The following EFCAB7 variants were observed in gnomAD, a reference collection of about 807,000 sequenced individuals.
EFCAB7 encodes EF-hand calcium-binding domain-containing protein 7.
A neutral mutation model predicts 77.1 loss-of-function variants in EFCAB7; 66 were observed. The observed-to-expected ratio is 0.86, with a 90% confidence interval of 0.70 to 1.05. The LOEUF is 1.05. Ranked by LOEUF, EFCAB7 falls within the 50% of genes least tolerant of loss-of-function variation. The probability of loss-of-function intolerance (pLI) is 0.00; values close to 1 mark genes in which losing one functional copy is unlikely to be tolerated. For synonymous variants in EFCAB7, 225 were observed against 243.3 expected, an observed-to-expected ratio of 0.92 and a Z score of 0.70; for missense variants, 638 against 730.5, an observed-to-expected ratio of 0.87 and a Z score of 1.46.
At position 63,557,233 on chromosome 1, in the gene EFCAB7, G is replaced by A; in HGVS notation, c.1334G>A (p.Trp445Ter). 1.2e-6 allele frequency: 2 copies of A among 1,607,644 alleles called. No homozygotes were observed. Among genetic ancestry groups the A allele is most frequent in the South Asian group, 2.2e-5 (2 of 89,290 alleles). ...GGTGAGAAATGTGATGAAGATGCTT[G>A]GGCTGTCTGCAGAGGTAAGCACTTT... is the stretch of plus-strand genomic sequence containing the variant. ...TSGEKCDEDA[W>*]AVCRENFDTK... Residue 445 changes from tryptophan (W) to a stop codon, truncating the protein, a stop_gained, in exon 10 of 14, where the codon TGG becomes TAG. Coordinates refer to ENST00000371088, the MANE Select transcript of EFCAB7 (RefSeq NM_032437.4). LOFTEE classifies it high-confidence loss of function.
At chr1:63,576,972 C>T (rs1255637252), downstream of EFCAB7, among the ~76,000 whole-genome samples, 1 of 151,912 alleles carries the variant, frequency 6.6e-6, no homozygotes. Flanking sequence ...TATGGTGAAA[C>T]CCCATCTGTA....
chr1:63,561,628 A>G (rs894519014), intron 10 of EFCAB7, 81 bp from the exon 11 acceptor site: 10 of 854,192 alleles, frequency 1.2e-5, no homozygotes, highest in Non-Finnish European at 1.2e-5. Flanking sequence ...AATATCTATG[A>G]ATAATAATAT....
intron 6 of EFCAB7, 67 bp from the exon 7 acceptor site, chr1:63,545,849 C>T: frequency 7.4e-7 from 1 of 1,353,318 alleles, no homozygotes; most frequent in East Asian, 2.3e-5. Context: ...GTGTTTTCTC[C>T]TCATTACTAT....
chr1:63,552,781 C>T (rs1024679814), intron 8 of EFCAB7, among the ~76,000 whole-genome samples: 11 of 152,062 alleles, frequency 7.2e-5, no homozygotes, highest in African/African-American at 2.4e-4. Flanking sequence ...CAAACATTTC[C>T]CTGATAGAAT....
intron 1 of EFCAB7, among the ~76,000 whole-genome samples, 165 bp from the exon 2 acceptor site, chr1:63,525,407 A>T (rs1169416132): frequency 6.6e-6 from 1 of 152,184 alleles, no homozygotes; most frequent in African/African-American, 2.4e-5. Flanking sequence ...TTCGTCTTTT[A>T]CTTCCACATA....
At chr1:63,551,127 ATC>A (rs1205453100) in intron 7 of EFCAB7, 2 of 151,968 alleles carry the variant, frequency 1.3e-5, no homozygotes, top group African/African-American at 2.4e-5. Flanking sequence ...TTTTCTGAAA[ATC>A]TCTGTTTTTC....
chr1:63,548,090 T>C (rs1389520350), intron 7 of EFCAB7: 1 of 152,286 alleles, frequency 6.6e-6, no homozygotes, highest in East Asian at 1.9e-4. Context: ...TGTGGGTGTA[T>C]GGTGCTGGAA....
chr1:63,565,379 CA>C (rs1297812753), intron 11 of EFCAB7, among the ~76,000 whole-genome samples: 1 of 150,896 alleles, frequency 6.6e-6, no homozygotes, highest in East Asian at 1.9e-4. Flanking sequence ...ACAACAACAA[CA>C]AAAAAATTTT....
chr1:63,574,927 G>C (rs1041821482), downstream of EFCAB7, among the ~76,000 whole-genome samples: 1 of 152,174 alleles, frequency 6.6e-6, no homozygotes, highest in Admixed American at 6.5e-5. Flanking sequence ...ATTCTCTCTT[G>C]GAAGGATAGT....
chr1:63,532,850 G>GTCAAT, intron 4 of EFCAB7, 94 bp downstream of exon 4: 1 of 937,100 alleles, frequency 1.1e-6, no homozygotes, highest in Non-Finnish European at 1.7e-6. Context: ...TGACATTACA[G>GTCAAT]TGTACATGCA....
intron 10 of EFCAB7, among the ~76,000 whole-genome samples, chr1:63,559,525 C>T (rs965741014): frequency 6.6e-6 from 1 of 152,010 alleles, no homozygotes; most frequent in African/African-American, 2.4e-5. Flanking sequence ...TGTAGTGGTG[C>T]AATCTCAACT....
rs1387406417 is a variant in EFCAB7, at chr1:63,546,102, C to T, written c.946+45C>T. On this transcript the variant is annotated intron_variant, in intron 7 of 13. Transcript: ENST00000371088. ...ATATTTTTAAAATGTCAATTTGTAC[C>T]CTCCTTGAAAGTACTTATGTAAGTA... 1.9e-6 allele frequency: 3 copies of T among 1,584,322 alleles called. No individual in the cohort carries two copies. In the African/African-American group the frequency reaches 4.1e-5, roughly 22 times the overall value.
Position 63,555,469 on chromosome 1 carries a change from G to A in EFCAB7, c.1168G>A (p.Val390Ile). 6.2e-7 allele frequency: 1 copy of A among 1,613,814 alleles called. No individual in the cohort carries two copies. Among genetic ancestry groups the A allele is most frequent in the South Asian group, 1.1e-5 (1 of 91,066 alleles). Residue 390 changes from valine to isoleucine, a missense_variant, in exon 9 of 14, where the codon GTA (valine) becomes ATA (isoleucine). Val to Ile is a conservative substitution (Grantham distance 29). Coordinates refer to ENST00000371088, the MANE Select transcript of EFCAB7 (RefSeq NM_032437.4). ...IKPVTDEAQL[V>I]YRDETGELFL... The stretch of plus-strand genomic sequence containing the variant: ...ACCAGTAACAGATGAAGCCCAACTT[G>A]TATATAGAGATGAAACAGGGGAATT...
At chr1:63,574,569 T>C (rs1375422797), downstream of EFCAB7, among the ~76,000 whole-genome samples, 6 of 152,190 alleles carry the variant, frequency 3.9e-5, no homozygotes, top group Non-Finnish European at 8.8e-5. Flanking sequence ...ATCTGATGCC[T>C]TTTGATGGCT....
At chr1:63,575,220 GTT>G (rs1553175221), downstream of EFCAB7, among the ~76,000 whole-genome samples, 3 of 151,826 alleles carry the variant, frequency 2.0e-5, no homozygotes, top group Non-Finnish European at 4.4e-5. Context: ...ATCAAGTACT[GTT>G]ATATATATAT....
chr1:63,541,551 G>T (rs1163400571), intron 6 of EFCAB7, among the ~76,000 whole-genome samples: 1 of 151,732 alleles, frequency 6.6e-6, no homozygotes, highest in African/African-American at 2.4e-5. Context: ...CTAAATAATG[G>T]TATACCAACT....
At chr1:63,525,203 C>T (rs1024937053) in intron 1 of EFCAB7, among the ~76,000 whole-genome samples, 3 of 152,030 alleles carry the variant, frequency 2.0e-5, no homozygotes, top group African/African-American at 4.8e-5. Context: ...ATCTGACTTT[C>T]GTATTTTGAG....
At chr1:63,581,736 C>G in the EFCAB7 span, among the ~76,000 whole-genome samples, 1 of 152,010 alleles carries the variant, frequency 6.6e-6, no homozygotes, top group Non-Finnish European at 1.5e-5. Flanking sequence ...TTTGAAAAAA[C>G]TCACTGCATA....
Position 63,570,715 on chromosome 1 carries a change from C to G in EFCAB7, c.1708-306C>G, listed in dbSNP as rs77564653. 325 of 180,468 alleles carry G rather than the reference C, an allele frequency of 1.8e-3. 3 individuals carry two copies. The highest frequency in any genetic ancestry group is 7.2e-3 in the African/African-American group (309 of 42,728). 11.2% of individuals were successfully genotyped at this position (180,468 alleles called of 1,614,324 possible). On this transcript the variant is annotated intron_variant, in intron 12 of 13. Transcript: ENST00000371088. ...TAGAGATAACAACAAAAGAAATAGA[C>G]ACTATTGCTATCATAAGTCAAGGAT...
Sources: gnomAD v4.1 joint callset for allele counts (sites outside exome capture counted in the v4.1 genomes callset) on GRCh38, gnomAD v4.1.1 for gene constraint, MANE v1.5 for transcripts, NCBI Gene and HGNC (gene_info 2026-07-23, HGNC 2026-07-21) for gene names.